The following SH3D19 variants were observed in gnomAD, a reference collection of about 807,000 sequenced individuals.
The protein encoded by SH3D19 is SH3 domain containing 19.
SH3D19 carries 58 observed loss-of-function variants against 112.1 expected under a neutral mutation model. The observed-to-expected ratio is 0.52, with a 90% CI of 0.42 to 0.64. The LOEUF is 0.64. SH3D19 is among the 30% of genes least tolerant of loss of function. The pLI, the probability that SH3D19 is intolerant of heterozygous loss-of-function variation, is 0.00. For synonymous variants in SH3D19, 391 were observed against 448.5 expected (o/e 0.87, Z 1.62); for missense variants, 1,090 against 1,263.4 (o/e 0.86, Z 2.08).
chr4:151,271,923 G>A (rs1034298427), intron 1 of SH3D19, among the ~76,000 whole-genome samples: 8 of 152,100 alleles, frequency 5.3e-5, no homozygotes, highest in South Asian at 2.1e-4. Context: ...TAAAGATAAC[G>A]TTAATGATGG....
intron 1 of SH3D19, among the ~76,000 whole-genome samples, chr4:151,254,713 G>A (rs1771681157): frequency 2.7e-5 from 4 of 150,476 alleles, no homozygotes; most frequent in African/African-American, 9.7e-5. Context: ...AGTCTCCCAT[G>A]TCTACTTCTT....
chr4:151,272,475 C>G lies in SH3D19; in HGVS notation c.113-46389G>C, dbSNP rs1471079849. 2.0e-5 allele frequency among the ~76,000 whole-genome samples: 3 copies of G among 152,272 alleles called. No homozygotes were observed. In the East Asian group the frequency reaches 5.8e-4, roughly 29 times the overall value. On this transcript the variant is annotated intron_variant, in intron 1 of 19. Coordinates refer to ENST00000604030, the MANE Select transcript of SH3D19 (RefSeq NM_001378122.1). Reference sequence around the variant, plus strand: ...GTCTTTAGGAATAGATATTTTCTTACAAAGCTAAATGCCATTATCACACCT... The same window carrying G: ...GTCTTTAGGAATAGATATTTTCTTAGAAAGCTAAATGCCATTATCACACCT...
At chr4:151,131,632 G>A (rs553574660) in intron 17 of SH3D19, among the ~76,000 whole-genome samples, 5 of 151,846 alleles carry the variant, frequency 3.3e-5, no homozygotes, top group African/African-American at 1.2e-4. Flanking sequence ...GAATACGCGC[G>A]CTGGTCACCA....
intron 1 of SH3D19, among the ~76,000 whole-genome samples, chr4:151,284,006 T>C (rs1437616253): frequency 1.3e-5 from 2 of 152,228 alleles, no homozygotes; most frequent in South Asian, 2.1e-4. Context: ...ATTTTTTCTT[T>C]ACCTTTGATT....
In SH3D19 at chr4:151,310,580, CT is replaced by C. The variant is rs780496185; in HGVS notation, c.112+14660del. Reference sequence around the variant, plus strand: ...AGGAAATAAATCACTCTCTCTCTCTCTTTTTTTTTTTTTTAGACTCTTGCTC... The same window carrying C: ...AGGAAATAAATCACTCTCTCTCTCTCTTTTTTTTTTTTTAGACTCTTGCTC... On this transcript the variant is annotated intron_variant, in intron 1 of 19. Transcript: ENST00000604030. Among the ~76,000 whole-genome samples, 1,339 of 141,838 alleles carry C rather than the reference CT, an allele frequency of 9.4e-3. 4 individuals are homozygous for C. Among genetic ancestry groups the C allele is most frequent in the African/African-American group, 0.02 (770 of 38,962 alleles). 93.1% of individuals were successfully genotyped at this position (141,838 alleles called of 152,430 possible).
chr4:151,320,067 AC>A (rs1313855935), intron 1 of SH3D19, among the ~76,000 whole-genome samples: 2 of 152,238 alleles, frequency 1.3e-5, no homozygotes, highest in African/African-American at 4.8e-5. Context: ...ACAGGTGATA[AC>A]ATAAAGAAGC....
intron 1 of SH3D19, among the ~76,000 whole-genome samples, chr4:151,312,611 A>G (rs978649553): frequency 6.6e-6 from 1 of 152,166 alleles, no homozygotes; most frequent in African/African-American, 2.4e-5. Flanking sequence ...TTAGAAATGC[A>G]GAGTCGGCCA....
chr4:151,153,987 A>G (rs1486477270), intron 9 of SH3D19, among the ~76,000 whole-genome samples: 1 of 151,944 alleles, frequency 6.6e-6, no homozygotes, highest in African/African-American at 2.4e-5. Flanking sequence ...TCTGAGATGG[A>G]GTCTCACTCT....
chr4:151,198,088 G>A (rs994218151), intron 2 of SH3D19, among the ~76,000 whole-genome samples: 5 of 151,370 alleles, frequency 3.3e-5, no homozygotes, highest in African/African-American at 1.2e-4. Flanking sequence ...GGCGAATAAC[G>A]AGGTTAGCAG....
intron 1 of SH3D19, among the ~76,000 whole-genome samples, chr4:151,285,434 G>C (rs988822766): frequency 7.9e-5 from 12 of 152,116 alleles, no homozygotes; most frequent in African/African-American, 2.9e-4. Flanking sequence ...AATGAAATTA[G>C]AAGTAAATAA....
intron 8 of SH3D19, among the ~76,000 whole-genome samples, chr4:151,164,781 T>C (rs1051099102): frequency 3.3e-5 from 5 of 152,142 alleles, no homozygotes; most frequent in Admixed American, 1.3e-4. Flanking sequence ...AGTTTCACCA[T>C]GTTGGCCAGG....
In SH3D19 at chr4:151,291,228, T is replaced by A. The variant is rs1378569512; in HGVS notation, c.112+34013A>T. On this transcript the variant is annotated intron_variant, in intron 1 of 19. Transcript: ENST00000604030. Reference sequence around the variant, plus strand: ...AATCTCTTCCTGGAGTCTACACCAATGTAATCTACTACCAAAAATGGATTA... The same window carrying A: ...AATCTCTTCCTGGAGTCTACACCAAAGTAATCTACTACCAAAAATGGATTA... 2 of 1,613,878 alleles carry A rather than the reference T, an allele frequency of 1.2e-6. No homozygotes were observed. The highest frequency in any genetic ancestry group is 4.5e-5 in the East Asian group (2 of 44,878).
intron 1 of SH3D19, chr4:151,266,333 CTTTAAA>C (rs543316038): frequency 6.7e-4 from 102 of 152,282 alleles, no homozygotes; most frequent in Non-Finnish European, 1.1e-3. Flanking sequence ...TGAATATAAA[CTTTAAA>C]TTTAAAGAAA....
chr4:151,197,198 G>A (rs1050964376), intron 2 of SH3D19, among the ~76,000 whole-genome samples: 6 of 151,352 alleles, frequency 4.0e-5, no homozygotes, highest in Non-Finnish European at 5.9e-5. Context: ...AGAGCAAGAC[G>A]ATCTCAAAAA....
chr4:151,130,078 G>A (rs1275556189), intron 17 of SH3D19, among the ~76,000 whole-genome samples: 1 of 152,114 alleles, frequency 6.6e-6, no homozygotes, highest in Non-Finnish European at 1.5e-5. Flanking sequence ...GGACACACAG[G>A]CCAATTACAA....
At chr4:151,229,035 A>ATTTT (rs34078148) in intron 1 of SH3D19, among the ~76,000 whole-genome samples, 3 of 136,796 alleles carry the variant, frequency 2.2e-5, no homozygotes, top group South Asian at 2.3e-4. Context: ...AGCTAATTAA[A>ATTTT]TTTTTTTTTT....
chr4:151,320,286 G>A (rs1329797526), intron 1 of SH3D19, among the ~76,000 whole-genome samples: 5 of 152,158 alleles, frequency 3.3e-5, no homozygotes, highest in Non-Finnish European at 7.3e-5. Context: ...GTTGGGAGGA[G>A]GATCCAGAAT....
At chr4:151,169,157 A>G (rs1029836031) in intron 7 of SH3D19, among the ~76,000 whole-genome samples, 1 of 152,204 alleles carries the variant, frequency 6.6e-6, no homozygotes, top group Admixed American at 6.5e-5. Flanking sequence ...GAAGTAGCAT[A>G]GGTATAACTT....
At chr4:151,193,117 A>T (rs1762892049) in intron 2 of SH3D19, among the ~76,000 whole-genome samples, 1 of 152,072 alleles carries the variant, frequency 6.6e-6, no homozygotes, top group East Asian at 1.9e-4. Context: ...TAATTTAAAT[A>T]GTACTAGTTA....
Sources: allele counts gnomAD v4.1 joint callset (sites outside exome capture counted in the v4.1 genomes callset), GRCh38; gene constraint gnomAD v4.1.1; transcripts MANE v1.5; gene names NCBI Gene and HGNC (gene_info 2026-07-23, HGNC 2026-07-21).